The following FAM227A variants were observed in gnomAD, a reference collection of about 807,000 sequenced individuals.
The protein encoded by FAM227A is family with sequence similarity 227 member A.
In FAM227A, 80 loss-of-function variants were observed where a neutral mutation model predicts 74.7. That is an observed-to-expected ratio of 1.07 (90% CI 0.89 to 1.29). The LOEUF is 1.29. Ranked by LOEUF, FAM227A falls within the 50% of genes most tolerant of loss-of-function variation. FAM227A has a pLI of 0.00. For synonymous variants in FAM227A, 237 were observed against 241.8 expected (o/e 0.98, Z 0.19); for missense variants, 654 against 683.4 (o/e 0.96, Z 0.48).
intron 11 of FAM227A, among the ~76,000 whole-genome samples, chr22:38,613,074 A>C (rs1464579416): frequency 1.0e-5 from 1 of 98,100 alleles, no homozygotes; most frequent in Non-Finnish European, 1.9e-5. Flanking sequence ...TAAATATATT[A>C]TATATAATTA....
At chr22:38,633,526 G>A (rs929554275) in intron 6 of FAM227A, among the ~76,000 whole-genome samples, 9 of 152,050 alleles carry the variant, frequency 5.9e-5, no homozygotes, top group African/African-American at 2.2e-4. Flanking sequence ...AGAAGTAAAA[G>A]GAAGAAAACA....
At chr22:38,645,729 CCT>C (rs2092224176) in intron 2 of FAM227A, 84 bp from the exon 3 acceptor site, 15 of 745,206 alleles carry the variant, frequency 2.0e-5, no homozygotes, top group Admixed American at 8.5e-5. Context: ...AAGGGCAGCC[CCT>C]GTCTGCACAG....
chr22:38,626,199 T>G lies in FAM227A; in HGVS notation c.831A>C (p.Thr277=), dbSNP rs1323232128. The G allele has an allele frequency of 3.2e-6, 5 of 1,551,434 alleles. No homozygotes were observed. The East Asian group carries it at 9.8e-5, about 30-fold the overall frequency. The change falls in exon 9 of 17, where the codon ACA becomes ACC. Residue 277 remains threonine, a synonymous_variant. Transcript: ENST00000535113. ...TCTCACCTGAAATCCACAGGCTCAT[T>G]GTGTTACAGATGTCAGACTTGAATT... ...THEFKSDICN[T]MSLWISGTYP... is the part of the protein sequence containing the mutation.
intron 1 of FAM227A, among the ~76,000 whole-genome samples, chr22:38,650,828 G>A (rs1237914211): frequency 2.6e-5 from 4 of 152,126 alleles, no homozygotes; most frequent in Non-Finnish European, 5.9e-5. Context: ...CTGGGTCCTT[G>A]CTTGTTGGCC....
At chr22:38,622,073 T>G (rs2091701944) in intron 10 of FAM227A, among the ~76,000 whole-genome samples, 1 of 152,210 alleles carries the variant, frequency 6.6e-6, no homozygotes, top group Non-Finnish European at 1.5e-5. Flanking sequence ...CAAGACAGTT[T>G]ATCCATTCCC....
At chr22:38,604,086 G>A (rs972761787) in intron 13 of FAM227A, among the ~76,000 whole-genome samples, 1 of 152,116 alleles carries the variant, frequency 6.6e-6, no homozygotes, top group African/African-American at 2.4e-5. Context: ...CAGCACTTTG[G>A]GAGGCCGAAG....
chr22:38,631,955 T>C (rs1308915057), intron 6 of FAM227A, among the ~76,000 whole-genome samples: 2 of 151,466 alleles, frequency 1.3e-5, no homozygotes, highest in Non-Finnish European at 2.9e-5. Flanking sequence ...CAGTGGCCAG[T>C]GGGAAGGGGA....
intron 11 of FAM227A, among the ~76,000 whole-genome samples, chr22:38,619,861 A>C (rs904894114): frequency 6.6e-6 from 1 of 152,118 alleles, no homozygotes; most frequent in Non-Finnish European, 1.5e-5. Context: ...GCAGAGGAGA[A>C]AGTACGTATC....
intron 8 of FAM227A, among the ~76,000 whole-genome samples, chr22:38,626,981 T>C (rs904024399): frequency 4.1e-5 from 6 of 144,954 alleles, no homozygotes; most frequent in African/African-American, 1.5e-4. Context: ...CCTGTAGTCC[T>C]AGCTACTCAG....
chr22:38,625,223 A>T lies in FAM227A; in HGVS notation c.850+957T>A, dbSNP rs546300314. Among the ~76,000 whole-genome samples the T allele has an allele frequency of 2.6e-5, 4 of 152,032 alleles. No individual in the cohort carries two copies. The South Asian group carries it at 8.3e-4, about 32-fold the overall frequency. On this transcript the variant is annotated intron_variant, in intron 9 of 16. Coordinates refer to ENST00000535113, the MANE Select transcript of FAM227A (RefSeq NM_001013647.2). ...GCTAACACAGTGAAACCCCGTCTCT[A>T]CTAAAAATACAAAAAATTAGCTGGG...
chr22:38,629,008 T>C, intron 6 of FAM227A, 73 bp from the exon 7 acceptor site: 2 of 965,666 alleles, frequency 2.1e-6, no homozygotes, highest in African/African-American at 1.7e-5. Flanking sequence ...CAATGTATTT[T>C]AGAATGAACA....
intron 8 of FAM227A, among the ~76,000 whole-genome samples, chr22:38,626,886 A>T (rs1184128227): frequency 3.7e-5 from 4 of 109,212 alleles, no homozygotes; most frequent in African/African-American, 7.6e-5. Context: ...AAAAAAAAAA[A>T]AAAAAATATA....
intron 6 of FAM227A, among the ~76,000 whole-genome samples, chr22:38,631,772 G>T: frequency 6.6e-6 from 1 of 152,158 alleles, no homozygotes; most frequent in South Asian, 2.1e-4. Context: ...GGGGAGAAAA[G>T]GTACTGGTGC....
chr22:38,627,903 T>A (rs1482424809), intron 8 of FAM227A, among the ~76,000 whole-genome samples: 1 of 152,078 alleles, frequency 6.6e-6, no homozygotes, highest in Non-Finnish European at 1.5e-5. Context: ...CATGCCCGGC[T>A]GGGAAAGTTT....
intron 10 of FAM227A, among the ~76,000 whole-genome samples, chr22:38,620,599 C>G (rs972612323): frequency 2.0e-5 from 3 of 151,292 alleles, no homozygotes; most frequent in African/African-American, 7.3e-5. Flanking sequence ...GTCAGGAGAT[C>G]GAGACCATCC....
chr22:38,581,985 C>A lies in FAM227A; in HGVS notation c.*4140G>T. 1 of 201,026 alleles carries A rather than the reference C, an allele frequency of 5.0e-6. No homozygotes were observed. The highest frequency in any genetic ancestry group is 1.3e-4 in the East Asian group (1 of 7,652). The allele number at this position is 201,026 out of a possible 1,614,324, so 12.5% of individuals were successfully genotyped here. A position where few individuals can be genotyped will look rare whatever the true frequency, so the allele number is the denominator to read the frequency against. On this transcript the variant is annotated 3_prime_UTR_variant, in exon 17 of 17. Coordinates refer to ENST00000535113, the MANE Select transcript of FAM227A (RefSeq NM_001013647.2). ...CTCAAACTCCTGGCCTCAAGCAATC[C>A]TCTTGCCTTGGCCTTCCAAAGTGCT...
At position 38,584,341 on chromosome 22, in the gene FAM227A, A is replaced by C. The variant is rs1216089269; in HGVS notation, c.*1784T>G. The C allele has an allele frequency of 6.6e-6, 1 of 152,210 alleles. No individual in the cohort carries two copies. The highest frequency in any genetic ancestry group is 2.4e-5 in the African/African-American group (1 of 41,434). 9.4% of individuals were successfully genotyped at this position (152,210 alleles called of 1,614,324 possible). ...CCTAGGAGAAAATGGAGGTAACAAT[A>C]TCCATCTTGGGGGACACCAGGAAGG... On this transcript the variant is annotated 3_prime_UTR_variant, in exon 17 of 17. Coordinates refer to ENST00000535113, the MANE Select transcript of FAM227A (RefSeq NM_001013647.2).
intron 2 of FAM227A, among the ~76,000 whole-genome samples, chr22:38,646,935 T>A: frequency 6.9e-6 from 1 of 145,916 alleles, no homozygotes; most frequent in Non-Finnish European, 1.5e-5. Context: ...CAGATCACGA[T>A]GTTAGGAGTT....
At chr22:38,605,423 G>A in intron 12 of FAM227A, 75 bp from the exon 13 acceptor site, 2 of 825,088 alleles carry the variant, frequency 2.4e-6, no homozygotes, top group Non-Finnish European at 2.0e-6. Flanking sequence ...CTGAGTAGCT[G>A]GAATTACAGG....
Sources: gnomAD v4.1 joint callset for allele counts (sites outside exome capture counted in the v4.1 genomes callset) on GRCh38, gnomAD v4.1.1 for gene constraint, MANE v1.5 for transcripts, NCBI Gene and HGNC (gene_info 2026-07-23, HGNC 2026-07-21) for gene names.